The following FRS2 variants were observed in gnomAD, a reference collection of about 807,000 sequenced individuals.
The protein encoded by FRS2 is fibroblast growth factor receptor substrate 2.
Under a neutral mutation model 43.9 loss-of-function variants are expected in FRS2, and 8 were observed. The observed-to-expected ratio is 0.18, with a 90% CI of 0.11 to 0.33. FRS2 has a LOEUF of 0.33. Ranked by LOEUF, FRS2 falls within the 10% of genes least tolerant of loss-of-function variation. The pLI, the probability that FRS2 is intolerant of heterozygous loss-of-function variation, is 1.00. For missense variants in FRS2, 534 were observed against 627.6 expected, an observed-to-expected ratio of 0.85 and a Z score of 1.59; for synonymous variants, 219 against 220.3, an observed-to-expected ratio of 0.99 and a Z score of 0.05.
At chr12:69,498,118 T>A (rs1300267121) in intron 1 of FRS2, among the ~76,000 whole-genome samples, 2 of 152,188 alleles carry the variant, frequency 1.3e-5, no homozygotes, top group African/African-American at 4.8e-5. Context: ...TTTTTCTGAA[T>A]GGAGAGTGGG....
intron 1 of FRS2, among the ~76,000 whole-genome samples, chr12:69,510,212 T>G (rs1421033992): frequency 6.6e-6 from 1 of 152,176 alleles, no homozygotes; most frequent in Non-Finnish European, 1.5e-5. Flanking sequence ...GAGAGAAACT[T>G]ATAGCCAGAC....
intron 1 of FRS2, among the ~76,000 whole-genome samples, chr12:69,506,223 T>C (rs1873915674): frequency 6.6e-6 from 1 of 152,184 alleles, no homozygotes; most frequent in Non-Finnish European, 1.5e-5. Flanking sequence ...TTTATTGTCT[T>C]AATGTTAATA....
At chr12:69,508,523 T>C (rs1309802063) in intron 1 of FRS2, among the ~76,000 whole-genome samples, 1 of 152,238 alleles carries the variant, frequency 6.6e-6, no homozygotes, top group African/African-American at 2.4e-5. Flanking sequence ...AAAAAATGTA[T>C]ACTCTGTAGA....
chr12:69,517,663 C>T (rs1251594168), intron 1 of FRS2, among the ~76,000 whole-genome samples: 1 of 152,124 alleles, frequency 6.6e-6, no homozygotes, highest in East Asian at 1.9e-4. Flanking sequence ...TTTCCTTTAA[C>T]TCATAATTCA....
intron 1 of FRS2, among the ~76,000 whole-genome samples, chr12:69,485,673 G>T (rs221086): frequency 6.6e-6 from 1 of 150,826 alleles, no homozygotes; most frequent in African/African-American, 2.4e-5. Flanking sequence ...TCACCATTTT[G>T]GCCAGGCTGG....
In FRS2 at chr12:69,521,123, T is replaced by C. The variant is rs1487263240; in HGVS notation, c.-260-9742T>C. Among the ~76,000 whole-genome samples, 3 of 152,320 alleles carry C rather than the reference T, an allele frequency of 2.0e-5. No homozygotes were observed. The East Asian group carries it at 5.8e-4, about 29-fold the overall frequency. On this transcript the variant is annotated intron_variant, in intron 1 of 8. Transcript: ENST00000549921. Reference sequence around the variant, plus strand: ...TTGTTGTAGAACTCTTTTACTCTCCTGGTTAGCTGTATTCCTAGGTATTTT... The same window carrying C: ...TTGTTGTAGAACTCTTTTACTCTCCCGGTTAGCTGTATTCCTAGGTATTTT...
intron 3 of FRS2, among the ~76,000 whole-genome samples, chr12:69,545,834 A>C (rs947838730): frequency 6.6e-6 from 1 of 152,084 alleles, no homozygotes; most frequent in African/African-American, 2.4e-5. Flanking sequence ...AATTTTTGAC[A>C]AGGGTGCCAA....
At position 69,476,515 on chromosome 12, in the gene FRS2, C is replaced by T. The variant is rs542445559; in HGVS notation, c.-261+5985C>T. On this transcript the variant is annotated intron_variant, in intron 1 of 8. Coordinates refer to ENST00000549921, the MANE Select transcript of FRS2 (RefSeq NM_001278356.2). ...GCAGGAAAGATAGAGCAAGAAAAGCCTTTTTATTAATACAGCAAGTAAACC... is the reference window on the plus strand; with the variant it reads ...GCAGGAAAGATAGAGCAAGAAAAGCTTTTTTATTAATACAGCAAGTAAACC... Among the ~76,000 whole-genome samples, 3 of 152,174 alleles carry T rather than the reference C, an allele frequency of 2.0e-5. 1 individual carries two copies. Among genetic ancestry groups the T allele is most frequent in the Admixed American group, 2.0e-4 (3 of 15,278 alleles).
chr12:69,486,539 A>G (rs1027197260), intron 1 of FRS2, among the ~76,000 whole-genome samples: 6 of 152,190 alleles, frequency 3.9e-5, no homozygotes, highest in Admixed American at 6.5e-5. Flanking sequence ...AGTTAGTCCT[A>G]TGATGGCCTC....
intron 1 of FRS2, among the ~76,000 whole-genome samples, chr12:69,487,023 C>A (rs1448292637): frequency 6.6e-6 from 1 of 152,204 alleles, no homozygotes; most frequent in East Asian, 1.9e-4. Flanking sequence ...AGAAGAACTT[C>A]TTTATCATTT....
At chr12:69,488,096 CAA>C (rs1302275185) in intron 1 of FRS2, among the ~76,000 whole-genome samples, 2 of 152,226 alleles carry the variant, frequency 1.3e-5, no homozygotes, top group East Asian at 3.9e-4. Context: ...AAAATGATAA[CAA>C]AAGATTTAGA....
In FRS2 at chr12:69,579,611, A is replaced by G. The variant is rs892963626; in HGVS notation, c.*4656A>G. ...TGTCATTCTAGCATAAATATCCATA[A>G]TGAGGTACTCAAGTTGATACTGGAA... On this transcript the variant is annotated 3_prime_UTR_variant, in exon 9 of 9. Coordinates refer to ENST00000549921, the MANE Select transcript of FRS2 (RefSeq NM_001278356.2). 2.0e-5 allele frequency: 3 copies of G among 152,232 alleles called. No homozygotes were observed. Among genetic ancestry groups the G allele is most frequent in the Non-Finnish European group, 4.4e-5 (3 of 68,028 alleles). The allele number at this position is 152,232 out of a possible 1,614,324, so 9.4% of individuals were successfully genotyped here.
intron 1 of FRS2, among the ~76,000 whole-genome samples, chr12:69,499,360 G>C (rs955913484): frequency 1.3e-5 from 2 of 152,078 alleles, no homozygotes; most frequent in Admixed American, 6.6e-5. Flanking sequence ...CCACTTTTTG[G>C]AATGTATTTT....
chr12:69,524,750 C>T (rs887952856), intron 1 of FRS2, among the ~76,000 whole-genome samples: 1 of 152,202 alleles, frequency 6.6e-6, no homozygotes, highest in Admixed American at 6.5e-5. Flanking sequence ...ACCCTCTAGA[C>T]TTGGCACAGG....
intron 3 of FRS2, among the ~76,000 whole-genome samples, chr12:69,557,593 ATT>A (rs1491417573): frequency 1.0e-4 from 12 of 118,192 alleles, no homozygotes; most frequent in Non-Finnish European, 3.7e-5. Context: ...CTGAAGGTTG[ATT>A]GTGTGTGTGT....
At chr12:69,534,442 TA>T (rs1294955138) in intron 3 of FRS2, among the ~76,000 whole-genome samples, 1 of 152,206 alleles carries the variant, frequency 6.6e-6, no homozygotes, top group African/African-American at 2.4e-5. Context: ...CTGATCAAGT[TA>T]AATCAACCCC....
At chr12:69,561,979 C>T (rs1453857949) in intron 3 of FRS2, among the ~76,000 whole-genome samples, 2 of 152,082 alleles carry the variant, frequency 1.3e-5, no homozygotes, top group African/African-American at 4.8e-5. Context: ...TTTACTTTTT[C>T]TTCTGAAAAA....
At chr12:69,488,309 A>G (rs907992779) in intron 1 of FRS2, among the ~76,000 whole-genome samples, 3 of 152,176 alleles carry the variant, frequency 2.0e-5, no homozygotes, top group South Asian at 2.1e-4. Context: ...CCCACCCTTT[A>G]GCAACCACCA....
intron 4 of FRS2, among the ~76,000 whole-genome samples, chr12:69,568,737 A>G (rs973337991): frequency 3.3e-5 from 5 of 151,662 alleles, no homozygotes; most frequent in Non-Finnish European, 4.4e-5. Flanking sequence ...TTTTTTTTAG[A>G]TGATTTTAGA....
Sources: allele counts gnomAD v4.1 joint callset (sites outside exome capture counted in the v4.1 genomes callset), GRCh38; gene constraint gnomAD v4.1.1; transcripts MANE v1.5; gene names NCBI Gene and HGNC (gene_info 2026-07-23, HGNC 2026-07-21).